The following TUBGCP3 variants were observed in gnomAD, a reference collection of about 807,000 sequenced individuals.
The protein encoded by TUBGCP3 is tubulin gamma complex component 3.
TUBGCP3 carries 50 observed loss-of-function variants against 123.1 expected under a neutral mutation model. The ratio of observed to expected loss-of-function variants is 0.41; its 90% confidence interval spans 0.32 to 0.51. The LOEUF (loss-of-function observed/expected upper bound fraction) is 0.51, where lower values mean the gene tolerates loss of function less well. Among genes scored for constraint, TUBGCP3 ranks in the 20% least tolerant of loss-of-function variants. The probability of loss-of-function intolerance (pLI) is 0.36; values close to 1 mark genes in which losing one functional copy is unlikely to be tolerated. For synonymous variants in TUBGCP3, 405 were observed against 413.9 expected, an observed-to-expected ratio of 0.98 and a Z score of 0.26; for missense variants, 882 against 1,127.0, an observed-to-expected ratio of 0.78 and a Z score of 3.11.
Position 112,554,165 on chromosome 13 carries a change from A to G in TUBGCP3, c.858T>C (p.Ser286=). 2 of 1,613,972 alleles carry G rather than the reference A, an allele frequency of 1.2e-6. No homozygotes were observed. Among genetic ancestry groups the G allele is most frequent in the Non-Finnish European group, 1.7e-6 (2 of 1,179,994 alleles). The part of the protein sequence containing the change: ...KVEGKANLSR[S]LRDTAVRLSE... Reference sequence around the variant, plus strand: ...AAAGCCTGACTGCTGTGTCTCTCAAAGACCTACTTAGATTTGCCTAAAAAG... The same window carrying G: ...AAAGCCTGACTGCTGTGTCTCTCAAGGACCTACTTAGATTTGCCTAAAAAG... The change falls in exon 8 of 22, where the codon TCT becomes TCC. Residue 286 remains serine, a synonymous_variant. Coordinates refer to ENST00000261965, the MANE Select transcript of TUBGCP3 (RefSeq NM_006322.6).
chr13:112,544,417 C>T (rs1474557945), intron 11 of TUBGCP3: 9 of 139,048 alleles, frequency 6.5e-5, no homozygotes, highest in African/African-American at 2.5e-4. Flanking sequence ...TGAGCCACTG[C>T]ACTCCAGCCT....
At chr13:112,547,459 T>A in intron 10 of TUBGCP3, 161 bp downstream of exon 10, 2 of 1,209,000 alleles carry the variant, frequency 1.7e-6, no homozygotes, top group Non-Finnish European at 2.1e-6. Flanking sequence ...CAAGCCTGGA[T>A]GGCGCACCCT....
At chr13:112,602,698 C>A in the TUBGCP3 span, 1 of 152,206 alleles carries the variant, frequency 6.6e-6, no homozygotes, top group Non-Finnish European at 1.5e-5. Flanking sequence ...ACCAACCATG[C>A]ACTGCCACTG....
chr13:112,565,055 C>T, intron 3 of TUBGCP3, 56 bp downstream of exon 3: 2 of 1,458,312 alleles, frequency 1.4e-6, no homozygotes, highest in Admixed American at 1.8e-5. Flanking sequence ...GGTTCCTATA[C>T]CACTCATCAT....
chr13:112,594,204 ACAT>A, the TUBGCP3 span, among the ~76,000 whole-genome samples: 1 of 152,266 alleles, frequency 6.6e-6, no homozygotes, highest in Admixed American at 6.5e-5. Context: ...CCAGGCAAAC[ACAT>A]CATAAGAAAA....
chr13:112,584,760 G>T (rs542436634), intron 1 of TUBGCP3, among the ~76,000 whole-genome samples: 1 of 152,290 alleles, frequency 6.6e-6, no homozygotes, highest in Admixed American at 6.5e-5. Flanking sequence ...TTACAAAGTA[G>T]CTATGAAAAG....
intron 5 of TUBGCP3, among the ~76,000 whole-genome samples, chr13:112,557,774 G>C (rs768949815): frequency 6.6e-6 from 1 of 152,166 alleles, no homozygotes; most frequent in Non-Finnish European, 1.5e-5. Context: ...AGCACTCAAG[G>C]AAAGTTCAAC....
intron 21 of TUBGCP3, among the ~76,000 whole-genome samples, chr13:112,489,172 C>A (rs1227343140): frequency 1.3e-5 from 2 of 150,348 alleles, no homozygotes; most frequent in African/African-American, 4.9e-5. Context: ...CCCACACCCA[C>A]CACAGGGGAG....
chr13:112,594,439 C>T, the TUBGCP3 span, among the ~76,000 whole-genome samples: 1 of 152,146 alleles, frequency 6.6e-6, no homozygotes, highest in East Asian at 1.9e-4. Context: ...ATAAAAACTC[C>T]CAACCTAAGA....
At chr13:112,529,920 C>T (rs529004775) in intron 11 of TUBGCP3, among the ~76,000 whole-genome samples, 4 of 152,108 alleles carry the variant, frequency 2.6e-5, no homozygotes, top group South Asian at 2.1e-4. Flanking sequence ...ACAAAATTAA[C>T]GATCTCTTAG....
rs1158819104 is a variant in TUBGCP3, at chr13:112,524,092, C to T, written c.1556-1583G>A. Among the ~76,000 whole-genome samples, 5 of 152,150 alleles carry T rather than the reference C, an allele frequency of 3.3e-5. No homozygotes were observed. The highest frequency in any genetic ancestry group is 2.1e-4 in the South Asian group (1 of 4,822). ...CAGCATCTGCAGGGGACCAATCCCA[C>T]GACCCCCACAGACACCAAAATTCCC... is the stretch of plus-strand genomic sequence containing the variant. On this transcript the variant is annotated intron_variant, in intron 13 of 21. Transcript: ENST00000261965. This position sits in a 1 kb window ranked among gnomAD's most constrained non-coding sequence, Gnocchi z 4.4.
chr13:112,545,579 G>C lies in TUBGCP3; in HGVS notation c.1335+120C>G. 2 of 1,130,240 alleles carry C rather than the reference G, an allele frequency of 1.8e-6. No homozygotes were observed. Among genetic ancestry groups the C allele is most frequent in the South Asian group, 2.8e-5 (2 of 70,736 alleles). The allele number at this position is 1,130,240 out of a possible 1,614,324, so 70.0% of individuals were successfully genotyped here. On this transcript the variant is annotated intron_variant, in intron 11 of 21. Transcript: ENST00000261965. This position sits in a 1 kb window ranked among gnomAD's most constrained non-coding sequence, Gnocchi z 4.1. ...GTGTAAAATGTATATGGTATTCAAT[G>C]GAAGTGCAGTTGCATTCCTGTTAGG...
At chr13:112,549,989 CAAAAAAAAAAAAA>C (rs750596642) in intron 8 of TUBGCP3, among the ~76,000 whole-genome samples, 8 of 40,228 alleles carry the variant, frequency 2.0e-4, no homozygotes, top group East Asian at 8.9e-4. Context: ...GACTCCATCT[CAAAAAAAAAAAAA>C]AAAAAAAAAA....
At chr13:112,565,451 A>G (rs987066196) in intron 2 of TUBGCP3, among the ~76,000 whole-genome samples, 3 of 152,224 alleles carry the variant, frequency 2.0e-5, no homozygotes, top group Non-Finnish European at 4.4e-5. Flanking sequence ...GATTACTTAC[A>G]GTCCATCTAC....
At chr13:112,602,373 T>C in the TUBGCP3 span, among the ~76,000 whole-genome samples, 1 of 152,054 alleles carries the variant, frequency 6.6e-6, no homozygotes, top group Non-Finnish European at 1.5e-5. Flanking sequence ...AGATTAATAA[T>C]ATAAAGATGG....
chr13:112,491,907 T>C (rs1004586570), intron 20 of TUBGCP3, among the ~76,000 whole-genome samples: 3 of 152,230 alleles, frequency 2.0e-5, no homozygotes, highest in Non-Finnish European at 4.4e-5. Flanking sequence ...GCTTTTTCTT[T>C]CATTATGTGG....
intron 3 of TUBGCP3, among the ~76,000 whole-genome samples, chr13:112,564,594 T>C (rs891960236): frequency 5.3e-5 from 8 of 152,142 alleles, no homozygotes; most frequent in African/African-American, 7.2e-5. Flanking sequence ...GGCAGGAGGA[T>C]TGCTTGAGCC....
At chr13:112,583,259 A>G (rs1454544754) in intron 1 of TUBGCP3, among the ~76,000 whole-genome samples, 2 of 152,240 alleles carry the variant, frequency 1.3e-5, no homozygotes, top group African/African-American at 4.8e-5. Context: ...AATACATACT[A>G]TATCTGCTAC....
At chr13:112,493,876 A>C (rs1254118706) in intron 20 of TUBGCP3, among the ~76,000 whole-genome samples, 1 of 117,998 alleles carries the variant, frequency 8.5e-6, no homozygotes, top group Non-Finnish European at 1.7e-5. Context: ...TGCCTGAGAC[A>C]CTCTGGCTAT....
Sources: gnomAD v4.1 joint callset for allele counts (sites outside exome capture counted in the v4.1 genomes callset) on GRCh38, gnomAD v4.1.1 for gene constraint, Gnocchi (gnomAD v3.1) non-coding constraint, MANE v1.5 for transcripts, NCBI Gene and HGNC (gene_info 2026-07-23, HGNC 2026-07-21) for gene names.